CDH4: variants seen among roughly 807,000 people sequenced by gnomAD.
The protein encoded by CDH4 is cadherin 4.
A neutral mutation model predicts 86.0 loss-of-function variants in CDH4; 33 were observed. That is an observed-to-expected ratio of 0.38 (90% CI 0.29 to 0.51). The LOEUF is 0.51. Among genes scored for constraint, CDH4 ranks in the 20% least tolerant of loss-of-function variants. The pLI is 0.86. For synonymous variants in CDH4, 555 were observed against 549.4 expected (o/e 1.01, Z -0.14); for missense variants, 1,114 against 1,307.4 (o/e 0.85, Z 2.28).
At chr20:61,833,025 G>T (rs1471600973) in intron 4 of CDH4, among the ~76,000 whole-genome samples, 1 of 152,114 alleles carries the variant, frequency 6.6e-6, no homozygotes, top group Non-Finnish European at 1.5e-5. Flanking sequence ...CGAGTCTGAG[G>T]GGTGGGCTGA....
intron 2 of CDH4, among the ~76,000 whole-genome samples, chr20:61,390,542 T>C (rs555220208): frequency 2.7e-5 from 4 of 147,718 alleles, no homozygotes; most frequent in African/African-American, 5.0e-5. Context: ...AGGGTGCCCA[T>C]AGCGCCATGT....
intron 2 of CDH4, among the ~76,000 whole-genome samples, chr20:61,528,809 G>A (rs957835658): frequency 4.6e-5 from 7 of 151,846 alleles, no homozygotes; most frequent in South Asian, 2.1e-4. Context: ...CTGCTCTCCC[G>A]TGTCTGGCCG....
intron 2 of CDH4, among the ~76,000 whole-genome samples, chr20:61,648,009 A>G (rs1600837506): frequency 6.6e-6 from 1 of 152,308 alleles, no homozygotes; most frequent in East Asian, 1.9e-4. Context: ...GCTGGGTGCC[A>G]GGACAGAAGA....
chr20:61,526,368 G>A lies in CDH4; in HGVS notation c.170-217195G>A, dbSNP rs546375634. ...CCCACCCAGCCTTCCTGACATCCTC[G>A]GTGGAGGCAGCCCGCCCAGGTGAGT... On this transcript the variant is annotated intron_variant, in intron 2 of 15. Coordinates refer to ENST00000614565, the MANE Select transcript of CDH4 (RefSeq NM_001794.5). 1.4e-3 allele frequency among the ~76,000 whole-genome samples: 207 copies of A among 152,136 alleles called. 1 individual carries two copies. In the Middle Eastern group the frequency reaches 0.031, roughly 22 times the overall value.
At chr20:61,804,168 T>C (rs1314263519) in intron 4 of CDH4, among the ~76,000 whole-genome samples, 4 of 152,236 alleles carry the variant, frequency 2.6e-5, no homozygotes, top group Admixed American at 2.6e-4. Flanking sequence ...CCTGCCTGCA[T>C]GGCGGCCTGA....
intron 2 of CDH4, among the ~76,000 whole-genome samples, chr20:61,701,138 C>T (rs2087771756): frequency 1.3e-5 from 2 of 152,162 alleles, no homozygotes; most frequent in South Asian, 4.2e-4. Flanking sequence ...ATCTTCTTCC[C>T]GCATCTCTTC....
At chr20:61,356,185 C>A (rs750534770) in intron 2 of CDH4, among the ~76,000 whole-genome samples, 5 of 152,158 alleles carry the variant, frequency 3.3e-5, no homozygotes, top group African/African-American at 1.2e-4. Context: ...TCTGGAATGA[C>A]CACTGTTCCT....
In CDH4 at chr20:61,873,966, C is replaced by A; in HGVS notation, c.1050+66C>A. Reference sequence around the variant, plus strand: ...TGGTCCCCGCAGGACACCCACAGGACCCTCGGGGAGCCTCTCCAGTGGCGC... The same window carrying A: ...TGGTCCCCGCAGGACACCCACAGGAACCTCGGGGAGCCTCTCCAGTGGCGC... On this transcript the variant is annotated intron_variant, in intron 7 of 15. Transcript: ENST00000614565. 2.6e-6 allele frequency: 4 copies of A among 1,557,282 alleles called. No individual in the cohort carries two copies. The South Asian group carries it at 3.5e-5, about 14-fold the overall frequency.
intron 2 of CDH4, among the ~76,000 whole-genome samples, chr20:61,347,763 G>A (rs750686478): frequency 6.6e-5 from 10 of 152,200 alleles, no homozygotes; most frequent in South Asian, 2.1e-4. Context: ...AACATTTGGC[G>A]GGGTGTGCTT....
chr20:61,352,630 TG>T (rs1568809707), intron 2 of CDH4, among the ~76,000 whole-genome samples: 1 of 152,222 alleles, frequency 6.6e-6, no homozygotes, highest in Non-Finnish European at 1.5e-5. Context: ...CTGGTTCTGC[TG>T]GGGTAGGCCG....
intron 4 of CDH4, among the ~76,000 whole-genome samples, chr20:61,812,916 C>G (rs1980513235): frequency 6.6e-6 from 1 of 152,184 alleles, no homozygotes; most frequent in African/African-American, 2.4e-5. Flanking sequence ...CGCCTGGTAA[C>G]ACACAAGCCC....
chr20:61,935,056 G>A (rs180776551), intron 15 of CDH4, among the ~76,000 whole-genome samples: 5 of 152,316 alleles, frequency 3.3e-5, no homozygotes, highest in Non-Finnish European at 7.3e-5. Flanking sequence ...CCCAGGGAGC[G>A]TCCTCCGGGC....
intron 4 of CDH4, among the ~76,000 whole-genome samples, chr20:61,834,305 C>T (rs1429380812): frequency 1.3e-5 from 2 of 152,208 alleles, no homozygotes; most frequent in African/African-American, 4.8e-5. Context: ...GGGCCTGTGG[C>T]CTAGGATCTG....
rs116173469 is a variant in CDH4, at chr20:61,829,620, C to T, written c.577-15048C>T. On this transcript the variant is annotated intron_variant, in intron 4 of 15. Coordinates refer to ENST00000614565, the MANE Select transcript of CDH4 (RefSeq NM_001794.5). The surrounding 1 kb of genome is among the most constrained non-coding windows in gnomAD (Gnocchi z 4.2). Reference sequence around the variant, plus strand: ...GGGCCTCCTGTTGAGGAAGCCCTGGCGAGTGGGGGCTCCTCTGCCAAGCAT... The same window carrying T: ...GGGCCTCCTGTTGAGGAAGCCCTGGTGAGTGGGGGCTCCTCTGCCAAGCAT... 9.5e-4 allele frequency among the ~76,000 whole-genome samples: 145 copies of T among 152,270 alleles called. No individual in the cohort carries two copies. Among genetic ancestry groups the T allele is most frequent in the African/African-American group, 3.2e-3 (132 of 41,550 alleles).
intron 4 of CDH4, among the ~76,000 whole-genome samples, chr20:61,792,563 A>C (rs984925224): frequency 1.3e-5 from 2 of 152,162 alleles, no homozygotes; most frequent in Non-Finnish European, 2.9e-5. Flanking sequence ...CCTCACCCAC[A>C]ATCTTTATTC....
At chr20:61,257,849 G>A (rs1358733763) in intron 2 of CDH4, among the ~76,000 whole-genome samples, 3 of 152,232 alleles carry the variant, frequency 2.0e-5, no homozygotes, top group East Asian at 1.9e-4. Context: ...ACCCAGACCC[G>A]ATTCATAACT....
intron 4 of CDH4, among the ~76,000 whole-genome samples, chr20:61,835,272 C>T (rs1477290807): frequency 6.6e-6 from 1 of 152,142 alleles, no homozygotes; most frequent in Non-Finnish European, 1.5e-5. Flanking sequence ...GGTATGTTGC[C>T]CAGGCTGGTC....
At chr20:61,476,021 G>T (rs1186402057) in intron 2 of CDH4, among the ~76,000 whole-genome samples, 1 of 152,116 alleles carries the variant, frequency 6.6e-6, no homozygotes, top group East Asian at 1.9e-4. Flanking sequence ...TCTGCACGTG[G>T]TCACCACTAG....
chr20:61,429,876 C>T (rs781364123), intron 2 of CDH4, among the ~76,000 whole-genome samples: 5 of 152,132 alleles, frequency 3.3e-5, no homozygotes, highest in Non-Finnish European at 7.4e-5. Flanking sequence ...TTTCAAAAAG[C>T]GCTACATCTG....
Sources: allele counts gnomAD v4.1 joint callset (sites outside exome capture counted in the v4.1 genomes callset), GRCh38; gene constraint gnomAD v4.1.1; non-coding constraint Gnocchi (gnomAD v3.1); transcripts MANE v1.5; gene names NCBI Gene and HGNC (gene_info 2026-07-23, HGNC 2026-07-21).